WFDC1: variants seen among roughly 807,000 people sequenced by gnomAD.
WFDC1 encodes WAP four-disulfide core domain protein 1.
In WFDC1, 39 loss-of-function variants were observed where a neutral mutation model predicts 32.9. That is an observed-to-expected ratio of 1.19 (90% CI 0.92 to 1.55). The LOEUF (loss-of-function observed/expected upper bound fraction) is 1.55. Among genes scored for constraint, WFDC1 ranks in the 40% most tolerant of loss-of-function variants. The pLI is 0.00. For missense variants in WFDC1, 386 were observed against 309.5 expected (o/e 1.25, Z -1.85); for synonymous variants, 184 against 137.4 (o/e 1.34, Z -2.37).
chr16:84,308,477 G>A (rs888185520), intron 1 of WFDC1, among the ~76,000 whole-genome samples: 19 of 152,184 alleles, frequency 1.2e-4, no homozygotes, highest in Admixed American at 3.3e-4. Context: ...GAAACATCCC[G>A]ACGAGTCTGG....
intron 2 of WFDC1, among the ~76,000 whole-genome samples, chr16:84,314,289 G>A (rs60604958): frequency 0.016 from 2,473 of 152,288 alleles, 66 homozygotes; most frequent in African/African-American, 0.056. Context: ...CAGTAAGTGG[G>A]GAGTAGGGTA....
chr16:84,312,890 T>A, intron 1 of WFDC1, 71 bp from the exon 2 acceptor site: 1 of 1,009,142 alleles, frequency 9.9e-7, no homozygotes, highest in Non-Finnish European at 1.2e-6. Flanking sequence ...GCCCACCCCC[T>A]TGCAAGCTCC....
At chr16:84,310,910 T>C (rs1445103367) in intron 1 of WFDC1, among the ~76,000 whole-genome samples, 1 of 152,154 alleles carries the variant, frequency 6.6e-6, no homozygotes, top group Non-Finnish European at 1.5e-5. Flanking sequence ...ATTTTGAATA[T>C]GTTGGGGGAG....
intron 1 of WFDC1, among the ~76,000 whole-genome samples, chr16:84,304,479 T>C (rs960101048): frequency 1.3e-5 from 2 of 152,116 alleles, no homozygotes; most frequent in Admixed American, 1.3e-4. Context: ...CCACCTGCCT[T>C]GGCCTCCCAA....
intron 4 of WFDC1, among the ~76,000 whole-genome samples, chr16:84,320,022 C>A (rs987775092): frequency 6.6e-6 from 1 of 151,786 alleles, no homozygotes; most frequent in African/African-American, 2.4e-5. Context: ...CCCCGACTTA[C>A]GATGGTCAAC....
chr16:84,299,256 C>G (rs774791427), intron 1 of WFDC1, among the ~76,000 whole-genome samples: 1 of 151,968 alleles, frequency 6.6e-6, no homozygotes, highest in Non-Finnish European at 1.5e-5. Context: ...CCCAGCTACT[C>G]GGGAGGCTGA....
chr16:84,320,038 A>T (rs753118250), intron 4 of WFDC1, among the ~76,000 whole-genome samples: 2 of 152,210 alleles, frequency 1.3e-5, no homozygotes, highest in African/African-American at 2.4e-5. Flanking sequence ...TCAACTTAAG[A>T]TTGTTAGACT....
rs1907730757 is a variant in WFDC1 at position 84,313,004 on chromosome 16, C to T, written c.188C>T (p.Ala63Val). 7.9e-7 allele frequency: 1 copy of T among 1,267,416 alleles called. No homozygotes were observed. The highest frequency in any genetic ancestry group is 9.9e-7 in the Non-Finnish European group (1 of 1,008,072). 78.5% of individuals were successfully genotyped at this position (1,267,416 alleles called of 1,614,324 possible). ...GAPGGPRQPR[A>V]DRCPPPPRTL... ...CCCGGCGGCCCCCGGCAGCCCCGAG[C>T]AGACCGCTGCCCGCCGCCTCCGCGG... is the stretch of plus-strand genomic sequence containing the variant. Residue 63 changes from alanine to valine, a missense_variant, in exon 2 of 7, where the codon GCA becomes GTA. By Grantham distance (64) the Ala-to-Val change is moderately conservative. Coordinates refer to ENST00000219454, the MANE Select transcript of WFDC1 (RefSeq NM_021197.4).
intron 1 of WFDC1, among the ~76,000 whole-genome samples, chr16:84,305,579 T>C (rs1056528979): frequency 6.6e-6 from 1 of 152,192 alleles, no homozygotes; most frequent in African/African-American, 2.4e-5. Context: ...CCTAACGCTA[T>C]GGAGATGGTG....
At chr16:84,306,261 T>C (rs959137611) in intron 1 of WFDC1, among the ~76,000 whole-genome samples, 2 of 152,174 alleles carry the variant, frequency 1.3e-5, no homozygotes, top group Non-Finnish European at 2.9e-5. Context: ...CTCCTACACC[T>C]GAGCCCTTAA....
At chr16:84,311,716 T>TC (rs1555544793) in intron 1 of WFDC1, among the ~76,000 whole-genome samples, 3 of 147,274 alleles carry the variant, frequency 2.0e-5, no homozygotes, top group African/African-American at 7.5e-5. Context: ...TTTTTTTTTT[T>TC]AGTGGAGAAG....
Position 84,313,116 on chromosome 16 carries a change from C to G in WFDC1, c.300C>G (p.Cys100Trp), listed in dbSNP as rs941366144. The change falls in exon 2 of 7, where the codon TGC becomes TGG. Residue 100 changes from cysteine (C) to tryptophan (W), a missense_variant. Transcript: ENST00000219454. Reference protein sequence around the residue: ...PRHRRCCYNGCAYACLEAVPP... With the variant: ...PRHRRCCYNGWAYACLEAVPP... Reference sequence around the variant, plus strand: ...ACCGGCGCTGCTGCTACAACGGATGCGCCTACGCCTGCCTAGAAGCTGTGC... The same window carrying G: ...ACCGGCGCTGCTGCTACAACGGATGGGCCTACGCCTGCCTAGAAGCTGTGC... The G allele has an allele frequency of 4.9e-6, 7 of 1,441,080 alleles. No individual in the cohort carries two copies. Among genetic ancestry groups the G allele is most frequent in the Admixed American group, 3.1e-5 (1 of 31,782 alleles). 89.3% of individuals were successfully genotyped at this position (1,441,080 alleles called of 1,614,324 possible). A position where few individuals can be genotyped will look rare whatever the true frequency, so the allele number is the denominator to read the frequency against.
chr16:84,318,211 C>G, intron 2 of WFDC1, 61 bp from the exon 3 acceptor site: 6 of 1,567,784 alleles, frequency 3.8e-6, no homozygotes, highest in Non-Finnish European at 5.3e-6. Context: ...CCCCAGCCCC[C>G]AAGCCTGGGC....
intron 1 of WFDC1, among the ~76,000 whole-genome samples, chr16:84,299,166 G>A (rs749686724): frequency 2.0e-5 from 3 of 152,096 alleles, no homozygotes; most frequent in Non-Finnish European, 4.4e-5. Context: ...TTCAAAACCA[G>A]CCTGACCAAC....
intron 1 of WFDC1, among the ~76,000 whole-genome samples, chr16:84,304,494 C>G (rs1454532117): frequency 2.6e-5 from 4 of 152,172 alleles, no homozygotes; most frequent in Non-Finnish European, 4.4e-5. Flanking sequence ...TCCCAAAGTG[C>G]TGGGATTATA....
At chr16:84,312,629 T>C (rs1002197465) in intron 1 of WFDC1, among the ~76,000 whole-genome samples, 6 of 152,168 alleles carry the variant, frequency 3.9e-5, no homozygotes, top group Non-Finnish European at 7.3e-5. Flanking sequence ...TATATACACA[T>C]ATATACCACA....
chr16:84,314,105 C>G (rs573201916), intron 2 of WFDC1, among the ~76,000 whole-genome samples: 1 of 151,982 alleles, frequency 6.6e-6, no homozygotes, highest in South Asian at 2.1e-4. Flanking sequence ...ACCTGCCACT[C>G]CAAAGTGCTC....
At chr16:84,324,170 G>A (rs529709253) in intron 4 of WFDC1, among the ~76,000 whole-genome samples, 3 of 151,972 alleles carry the variant, frequency 2.0e-5, no homozygotes, top group Non-Finnish European at 4.4e-5. Flanking sequence ...TCTCAAGACC[G>A]CTGTACCCTG....
intron 4 of WFDC1, 114 bp downstream of exon 4, chr16:84,319,685 C>A (rs370578): frequency 0.77 from 1,083,042 of 1,397,732 alleles, 425,022 homozygotes; most frequent in Non-Finnish European, 0.8. Flanking sequence ...AGCACCTGGG[C>A]CTGACTGAGA....
Sources: allele counts gnomAD v4.1 joint callset (sites outside exome capture counted in the v4.1 genomes callset), GRCh38; gene constraint gnomAD v4.1.1; transcripts MANE v1.5; gene names NCBI Gene and HGNC (gene_info 2026-07-23, HGNC 2026-07-21).